Variants in SPAM1 observed in about 807,000 individuals in gnomAD.
SPAM1 encodes the protein sperm adhesion molecule 1, also known as hyaluronidase PH-20.
A neutral mutation model predicts 29.6 loss-of-function variants in SPAM1; 22 were observed. That is an observed-to-expected ratio of 0.74 (90% CI 0.53 to 1.06). The LOEUF (loss-of-function observed/expected upper bound fraction) is 1.06. Ranked by LOEUF, SPAM1 falls within the 50% of genes least tolerant of loss-of-function variation. The probability of loss-of-function intolerance (pLI) is 0.00; values close to 1 mark genes in which losing one functional copy is unlikely to be tolerated. For missense variants in SPAM1, 534 were observed against 604.0 expected, an observed-to-expected ratio of 0.88 and a Z score of 1.21; for synonymous variants, 194 against 204.6, an observed-to-expected ratio of 0.95 and a Z score of 0.44.
chr7:123,969,363 A>G (rs762638911), intron 5 of SPAM1, among the ~76,000 whole-genome samples: 14 of 152,032 alleles, frequency 9.2e-5, no homozygotes, highest in Non-Finnish European at 1.9e-4. Context: ...TTCTGTACCC[A>G]GGCCAATGTA....
chr7:123,946,159 T>G (rs1031038812), intron 1 of SPAM1, among the ~76,000 whole-genome samples: 3 of 152,144 alleles, frequency 2.0e-5, no homozygotes, highest in African/African-American at 7.2e-5. Context: ...GAGCTCAAAT[T>G]ACAGAGAGGA....
intron 1 of SPAM1, among the ~76,000 whole-genome samples, chr7:123,931,115 T>C (rs1808066592): frequency 6.6e-6 from 1 of 152,072 alleles, no homozygotes; most frequent in Admixed American, 6.5e-5. Context: ...GCACACTTCA[T>C]GTTGTTGGGG....
At chr7:123,946,590 C>T (rs1584954592) in intron 1 of SPAM1, among the ~76,000 whole-genome samples, 1 of 152,072 alleles carries the variant, frequency 6.6e-6, no homozygotes, top group East Asian at 1.9e-4. Flanking sequence ...TGCTTTTATG[C>T]ATTTGAGAGA....
chr7:123,964,438 A>G (rs1255820698), downstream of SPAM1, among the ~76,000 whole-genome samples: 2 of 151,904 alleles, frequency 1.3e-5, no homozygotes, highest in African/African-American at 2.4e-5. Flanking sequence ...ATAAATATAC[A>G]ATTATGTAAT....
At chr7:123,943,364 G>T (rs1808485121) in intron 1 of SPAM1, among the ~76,000 whole-genome samples, 1 of 152,000 alleles carries the variant, frequency 6.6e-6, no homozygotes, top group Non-Finnish European at 1.5e-5. Flanking sequence ...AAATAAAACT[G>T]CAGATGACAA....
At chr7:123,936,609 A>T (rs1808250427) in intron 1 of SPAM1, among the ~76,000 whole-genome samples, 4 of 152,336 alleles carry the variant, frequency 2.6e-5, no homozygotes, top group African/African-American at 7.2e-5. Context: ...AGCTAACCTA[A>T]TGTTTAATGC....
intron 1 of SPAM1, among the ~76,000 whole-genome samples, chr7:123,942,081 A>G (rs1808446991): frequency 6.6e-6 from 1 of 152,242 alleles, no homozygotes; most frequent in Non-Finnish European, 1.5e-5. Context: ...TTATGTATGT[A>G]AATAGGTTGC....
intron 5 of SPAM1, among the ~76,000 whole-genome samples, chr7:123,965,971 T>C (rs1424482942): frequency 6.6e-6 from 1 of 151,882 alleles, no homozygotes; most frequent in Non-Finnish European, 1.5e-5. Context: ...GAAACTATCA[T>C]CAAAGGAACA....
chr7:123,955,877 G>GT (rs1178687292), intron 4 of SPAM1, among the ~76,000 whole-genome samples: 1 of 151,850 alleles, frequency 6.6e-6, no homozygotes, highest in East Asian at 1.9e-4. Flanking sequence ...AGTATTTTAT[G>GT]TGTCAGAAAA....
At chr7:123,967,888 A>C (rs1431807916) in intron 5 of SPAM1, among the ~76,000 whole-genome samples, 2 of 152,064 alleles carry the variant, frequency 1.3e-5, no homozygotes, top group African/African-American at 2.4e-5. Flanking sequence ...AAAACTAGTT[A>C]GAAGGCTATT....
At chr7:123,956,896 G>C (rs988933853) in intron 4 of SPAM1, among the ~76,000 whole-genome samples, 2 of 151,874 alleles carry the variant, frequency 1.3e-5, no homozygotes, top group African/African-American at 4.8e-5. Context: ...TTACACTATG[G>C]ATATATATAC....
At position 123,959,713 on chromosome 7, in the gene SPAM1, A is replaced by G. The variant is rs981730523; in HGVS notation, c.1274A>G (p.Asp425Gly). ...GTACGTGGAAAACCGACACTTGAAG[A>G]CCTGGAGCAATTTTCTGAAAAATTT... ...FTVRGKPTLEDLEQFSEKFYC... is the reference protein window; with the variant it reads ...FTVRGKPTLEGLEQFSEKFYC... Residue 425 changes from aspartate (D) to glycine (G), a missense_variant, in exon 5 of 5, where the codon GAC becomes GGC. By Grantham distance (94) the Asp-to-Gly change is moderately conservative. Transcript: ENST00000682466. 6.2e-7 allele frequency: 1 copy of G among 1,613,218 alleles called. No homozygotes were observed. The highest frequency in any genetic ancestry group is 1.3e-5 in the African/African-American group (1 of 74,858).
intron 5 of SPAM1, among the ~76,000 whole-genome samples, chr7:123,968,823 G>A (rs1226974666): frequency 6.6e-6 from 1 of 152,006 alleles, no homozygotes; most frequent in Non-Finnish European, 1.5e-5. Context: ...ATCTGTGTGA[G>A]AATGAAATGA....
chr7:123,934,193 A>C (rs1282733305), intron 1 of SPAM1, among the ~76,000 whole-genome samples: 2 of 152,170 alleles, frequency 1.3e-5, no homozygotes, highest in African/African-American at 4.8e-5. Context: ...AATGCATTTT[A>C]AATAACATAT....
intron 1 of SPAM1, among the ~76,000 whole-genome samples, chr7:123,946,556 C>T (rs1808581852): frequency 6.6e-6 from 1 of 152,104 alleles, no homozygotes; most frequent in African/African-American, 2.4e-5. Flanking sequence ...TGACAAATGT[C>T]CTCAAGTAGG....
intron 1 of SPAM1, chr7:123,947,689 T>C (rs905405979): frequency 9.2e-5 from 14 of 152,130 alleles, no homozygotes; most frequent in African/African-American, 3.4e-4. Context: ...AGGGCTGTCT[T>C]TTCTCACCCA....
intron 1 of SPAM1, among the ~76,000 whole-genome samples, chr7:123,945,187 T>A (rs773511512): frequency 3.9e-5 from 6 of 152,168 alleles, no homozygotes; most frequent in Non-Finnish European, 7.4e-5. Context: ...TTTCTATAAC[T>A]TTCTTTACAT....
chr7:123,939,840 A>C (rs982909165), intron 1 of SPAM1, among the ~76,000 whole-genome samples: 2 of 152,126 alleles, frequency 1.3e-5, no homozygotes, highest in Non-Finnish European at 2.9e-5. Context: ...ACCCCCCAGG[A>C]GATGTCTGAT....
At chr7:123,952,946 A>G (rs1279530367) in intron 2 of SPAM1, among the ~76,000 whole-genome samples, 1 of 151,982 alleles carries the variant, frequency 6.6e-6, no homozygotes, top group Non-Finnish European at 1.5e-5. Context: ...GAGAAAAATG[A>G]AATTTCACAA....
Sources: gnomAD v4.1 joint callset for allele counts (sites outside exome capture counted in the v4.1 genomes callset) on GRCh38, gnomAD v4.1.1 for gene constraint, MANE v1.5 for transcripts, NCBI Gene and HGNC (gene_info 2026-07-23, HGNC 2026-07-21) for gene names.